ZBED6: variants seen among roughly 807,000 people sequenced by gnomAD.
ZBED6 encodes zinc finger BED domain-containing protein 6.
Under a neutral mutation model 58.4 loss-of-function variants are expected in ZBED6, and 40 were observed. The observed-to-expected ratio is 0.68, with a 90% CI of 0.53 to 0.89. The LOEUF (loss-of-function observed/expected upper bound fraction) is 0.89, where lower values mean the gene tolerates loss of function less well. Ranked by LOEUF, ZBED6 falls within the 40% of genes least tolerant of loss-of-function variation. The pLI, the probability that ZBED6 is intolerant of heterozygous loss-of-function variation, is 0.00. For synonymous variants in ZBED6, 439 were observed against 350.6 expected (o/e 1.25, Z -2.82); for missense variants, 1,057 against 1,003.9 (o/e 1.05, Z -0.71).
At chr1:203,850,432 A>G in intron 14 of ZBED6, 83 bp from the exon 15 acceptor site, 1 of 1,533,642 alleles carries the variant, frequency 6.5e-7, no homozygotes, top group Non-Finnish European at 9.0e-7. Flanking sequence ...GTACTGAAGG[A>G]GTTTTGATAT....
At chr1:203,817,746 GA>G (rs1271457546) in intron 2 of ZBED6, among the ~76,000 whole-genome samples, 2 of 151,618 alleles carry the variant, frequency 1.3e-5, no homozygotes, top group African/African-American at 4.8e-5. Flanking sequence ...CAGTCATCTT[GA>G]TTTTTTTTTT....
Position 203,807,972 on chromosome 1 carries a change from G to T in ZBED6, c.*2554+4956G>T, listed in dbSNP as rs1672953146. On this transcript the variant is annotated intron_variant, in intron 1 of 16. Transcript: ENST00000550078. ...GCCCAGGCTGGTCTTGAACTCCTGGGTTCAAGCAGTCCTCCTGTCTCGGCC... is the reference window on the plus strand; with the variant it reads ...GCCCAGGCTGGTCTTGAACTCCTGGTTTCAAGCAGTCCTCCTGTCTCGGCC... Among the ~76,000 whole-genome samples the T allele has an allele frequency of 2.0e-5, 3 of 152,024 alleles. No individual in the cohort carries two copies. In the South Asian group the frequency reaches 6.2e-4, roughly 32 times the overall value.
chr1:203,831,164 G>A (rs908098366), intron 7 of ZBED6, among the ~76,000 whole-genome samples: 4 of 151,580 alleles, frequency 2.6e-5, no homozygotes, highest in South Asian at 2.1e-4. Flanking sequence ...GGCTGGTCTC[G>A]AACTCCCAAC....
At chr1:203,851,109 A>C (rs1689141187) in exon 16 of ZBED6, 2 of 1,614,188 alleles carry the variant, frequency 1.2e-6, no homozygotes, top group East Asian at 4.5e-5. Flanking sequence ...CCTGAAGCAG[A>C]AAATCCTAGA....
At chr1:203,804,992 A>G (rs923473151) in intron 1 of ZBED6, among the ~76,000 whole-genome samples, 4 of 151,852 alleles carry the variant, frequency 2.6e-5, no homozygotes, top group Non-Finnish European at 5.9e-5. Flanking sequence ...TTTTTAATAT[A>G]TGTTTGTAAT....
At chr1:203,831,750 G>C (rs1682448264) in exon 8 of ZBED6, 1 of 1,612,276 alleles carries the variant, frequency 6.2e-7, no homozygotes. Context: ...GGTGAGGACA[G>C]TAACTCTCTC....
At chr1:203,812,068 C>T (rs1020312105) in intron 1 of ZBED6, among the ~76,000 whole-genome samples, 3 of 152,100 alleles carry the variant, frequency 2.0e-5, no homozygotes, top group Non-Finnish European at 4.4e-5. Context: ...CCACCCACCT[C>T]GGCCTCCCAA....
chr1:203,831,782 G>A lies in ZBED6; in HGVS notation c.*3510+11G>A. On this transcript the variant is annotated intron_variant, in intron 8 of 16. Transcript: ENST00000550078. ...TCTCCACCAAACAAGGTAAGGTATA[G>A]ATAGGTCTTAGAGTTGTCAAGCCTC... 6.2e-7 allele frequency: 1 copy of A among 1,603,742 alleles called. No individual in the cohort carries two copies. Among genetic ancestry groups the A allele is most frequent in the Non-Finnish European group, 8.5e-7 (1 of 1,172,948 alleles).
At position 203,825,123 on chromosome 1, in the gene ZBED6, C is replaced by A. The variant is rs1364121456; in HGVS notation, c.*2874-3176C>A. ...AAATAGATGTTAGATAAGCTTTGTT[C>A]AAGTGTGAGTTACAGTGCTATTTGT... is the stretch of plus-strand genomic sequence containing the variant. On this transcript the variant is annotated intron_variant, in intron 3 of 16. Coordinates refer to ENST00000550078, the Ensembl canonical transcript of ZBED6. Among the ~76,000 whole-genome samples the A allele has an allele frequency of 3.4e-5, 5 of 148,522 alleles. No individual in the cohort carries two copies. The East Asian group carries it at 1.0e-3, about 30-fold the overall frequency.
At chr1:203,804,712 G>C (rs374498175) in intron 1 of ZBED6, among the ~76,000 whole-genome samples, 1 of 134,702 alleles carries the variant, frequency 7.4e-6, no homozygotes, top group African/African-American at 2.8e-5. Context: ...TGCTCTCGTT[G>C]CCTAGGCTGG....
At chr1:203,807,472 GT>G (rs1304392868) in intron 1 of ZBED6, among the ~76,000 whole-genome samples, 1 of 150,984 alleles carries the variant, frequency 6.6e-6, no homozygotes, top group Admixed American at 6.6e-5. Context: ...TATTATGACT[GT>G]TTTTTGGGTT....
Position 203,848,228 on chromosome 1 carries a change from G to A in ZBED6, c.*4246-103G>A, listed in dbSNP as rs1688406795. Reference sequence around the variant, plus strand: ...ATGGGCTTTATCTGTAATTTTATTTGTCCTGTCTTACTACTTTCATTAAAT... The same window carrying A: ...ATGGGCTTTATCTGTAATTTTATTTATCCTGTCTTACTACTTTCATTAAAT... On this transcript the variant is annotated intron_variant, in intron 12 of 16. Transcript: ENST00000550078. The A allele has an allele frequency of 5.3e-6, 5 of 934,972 alleles. No individual in the cohort carries two copies. The South Asian group carries it at 6.4e-5, about 12-fold the overall frequency. The allele number at this position is 934,972 out of a possible 1,614,324, so 57.9% of individuals were successfully genotyped here. A position where few individuals can be genotyped will look rare whatever the true frequency, so the allele number is the denominator to read the frequency against.
chr1:203,828,609 A>G (rs1287736588), intron 4 of ZBED6, among the ~76,000 whole-genome samples, 187 bp downstream of exon 4: 1 of 152,198 alleles, frequency 6.6e-6, no homozygotes, highest in Non-Finnish European at 1.5e-5. Context: ...GAACCATTAT[A>G]TATCTTGGCA....
chr1:203,841,819 C>T (rs1392351054), intron 11 of ZBED6, among the ~76,000 whole-genome samples: 9 of 142,518 alleles, frequency 6.3e-5, no homozygotes, highest in Non-Finnish European at 1.1e-4. Context: ...GGCTGCCGGG[C>T]GGAGGGGCTC....
intron 11 of ZBED6, among the ~76,000 whole-genome samples, chr1:203,845,654 A>G (rs1687685153): frequency 6.6e-6 from 1 of 151,980 alleles, no homozygotes; most frequent in African/African-American, 2.4e-5. Context: ...TCTTGAGACC[A>G]GGAGTTTTGA....
exon 1 of ZBED6, chr1:203,801,503 G>A (rs1184398168): frequency 6.6e-6 from 1 of 152,442 alleles, no homozygotes; most frequent in Non-Finnish European, 1.5e-5. Flanking sequence ...ATGACTTTTA[G>A]TAAAAGTCTA....
chr1:203,838,117 C>CATAA, intron 10 of ZBED6, 53 bp downstream of exon 10: 1 of 1,509,624 alleles, frequency 6.6e-7, no homozygotes, highest in Non-Finnish European at 9.1e-7. Context: ...ACACTTGTGT[C>CATAA]TTGTAATGCT....
chr1:203,835,093 G>C (rs1033408794), intron 9 of ZBED6, among the ~76,000 whole-genome samples: 1 of 152,156 alleles, frequency 6.6e-6, no homozygotes, highest in African/African-American at 2.4e-5. Flanking sequence ...TCTGAACTTA[G>C]TCACATTTCA....
chr1:203,828,822 T>A (rs1289975091), intron 4 of ZBED6, among the ~76,000 whole-genome samples: 1 of 152,224 alleles, frequency 6.6e-6, no homozygotes, highest in African/African-American at 2.4e-5. Flanking sequence ...TGCTATAGAA[T>A]TGAGTAGTTG....
Sources: gnomAD v4.1 joint callset for allele counts (sites outside exome capture counted in the v4.1 genomes callset) on GRCh38, gnomAD v4.1.1 for gene constraint, MANE v1.5 for transcripts, NCBI Gene and HGNC (gene_info 2026-07-23, HGNC 2026-07-21) for gene names.